CHRNA2: variants seen among roughly 807,000 people sequenced by gnomAD.
CHRNA2 encodes the protein neuronal acetylcholine receptor subunit alpha-2.
A neutral mutation model predicts 45.5 loss-of-function variants in CHRNA2; 40 were observed. The observed-to-expected ratio is 0.88, with a 90% CI of 0.68 to 1.15. The LOEUF is 1.15. CHRNA2 is among the 50% of genes most tolerant of loss of function. The probability of loss-of-function intolerance (pLI) is 0.00; values close to 1 mark genes in which losing one functional copy is unlikely to be tolerated. For synonymous variants in CHRNA2, 301 were observed against 296.7 expected (o/e 1.01, Z -0.15); for missense variants, 655 against 701.7 (o/e 0.93, Z 0.75).
intron 2 of CHRNA2, 140 bp from the exon 3 acceptor site, chr8:27,470,121 G>C (rs1280472200): frequency 9.4e-6 from 8 of 847,344 alleles, no homozygotes; most frequent in African/African-American, 1.7e-5. Flanking sequence ...AGCACAGCAT[G>C]AGCAGGCTGC....
At position 27,463,477 on chromosome 8, in the gene CHRNA2, C is replaced by A; in HGVS notation, c.966G>T (p.Ser322=). 1 of 1,614,132 alleles carries A rather than the reference C, an allele frequency of 6.2e-7. No homozygotes were observed. Among genetic ancestry groups the A allele is most frequent in the Non-Finnish European group, 8.5e-7 (1 of 1,180,036 alleles). Residue 322 remains serine (S), a synonymous_variant, in exon 6 of 7, where the codon TCG becomes TCT. Coordinates refer to ENST00000407991, the MANE Select transcript of CHRNA2 (RefSeq NM_000742.4). The surrounding 1 kb of genome is among the most constrained non-coding windows in gnomAD (Gnocchi z 6.1). The part of the protein sequence containing the change: ...LLITEIIPST[S]LVIPLIGEYL... ...ACTCGCCGATGAGCGGGATGACCAGCGAGGTGGACGGGATGATCTCAGTGA... is the reference window on the plus strand; with the variant it reads ...ACTCGCCGATGAGCGGGATGACCAGAGAGGTGGACGGGATGATCTCAGTGA...
rs1175244481 is a variant in CHRNA2, at chr8:27,469,768, A to G, written c.287T>C (p.Ile96Thr). The G allele has an allele frequency of 2.5e-6, 4 of 1,614,030 alleles. No homozygotes were observed. The highest frequency in any genetic ancestry group is 3.4e-6 in the Non-Finnish European group (4 of 1,180,034). Residue 96 changes from isoleucine to threonine, a missense_variant, in exon 3 of 7, where the codon ATC becomes ACC. Transcript: ENST00000407991. ...VRFGLSIAQL[I>T]DVDEKNQMMT... The stretch of plus-strand genomic sequence containing the variant: ...GTGGGAAGACAGGCGCACCACATCG[A>G]TGAGCTGAGCGATGGACAGTCCAAA...
Position 27,469,831 on chromosome 8 carries a change from C to G in CHRNA2, c.224G>C (p.Arg75Pro), listed in dbSNP as rs762847144. 4 of 1,614,016 alleles carry G rather than the reference C, an allele frequency of 2.5e-6. No individual in the cohort carries two copies. The highest frequency in any genetic ancestry group is 3.4e-6 in the Non-Finnish European group (4 of 1,180,046). ...HLFRGYNRWARPVPNTSDVVI... is the reference protein window; with the variant it reads ...HLFRGYNRWAPPVPNTSDVVI... Reference sequence around the variant, plus strand: ...CACGTCTGAAGTGTTGGGCACCGGGCGCGCCCAGCGGTTGTAGCCCCGGAA... The same window carrying G: ...CACGTCTGAAGTGTTGGGCACCGGGGGCGCCCAGCGGTTGTAGCCCCGGAA... The change falls in exon 3 of 7, where the codon CGC becomes CCC. Residue 75 changes from arginine to proline, a missense_variant. This residue lies in a region of CHRNA2 where 323 missense variants were observed against 354.4 expected (regional missense o/e 0.91). Transcript: ENST00000407991.
intron 5 of CHRNA2, among the ~76,000 whole-genome samples, chr8:27,465,320 G>C (rs1812662463): frequency 6.6e-6 from 1 of 152,194 alleles, no homozygotes; most frequent in African/African-American, 2.4e-5. Context: ...AATCAGAAGA[G>C]TACTTGGGAA....
At chr8:27,477,274 G>A (rs1813089946) in intron 1 of CHRNA2, 1 of 152,172 alleles carries the variant, frequency 6.6e-6, no homozygotes, top group South Asian at 2.1e-4. Flanking sequence ...TCACCCCAAA[G>A]CTAGGCCCAC....
intron 1 of CHRNA2, among the ~76,000 whole-genome samples, chr8:27,476,852 T>C (rs1349021436): frequency 1.3e-5 from 2 of 152,228 alleles, no homozygotes; most frequent in Admixed American, 6.5e-5. Flanking sequence ...TTGATGTTAA[T>C]TCCTAAAACG....
chr8:27,478,471 CT>C (rs1316313188), intron 1 of CHRNA2, among the ~76,000 whole-genome samples: 2 of 152,178 alleles, frequency 1.3e-5, no homozygotes, highest in African/African-American at 4.8e-5. Flanking sequence ...AATAGCATTG[CT>C]GTCTTTTAGC....
chr8:27,467,517 T>A, intron 4 of CHRNA2, 179 bp from the exon 5 acceptor site: 1 of 592,202 alleles, frequency 1.7e-6, no homozygotes, highest in East Asian at 2.9e-5. Flanking sequence ...TCTGAGCAAG[T>A]AACCAACCTT....
chr8:27,462,059 G>T (rs1031076157), intron 6 of CHRNA2, among the ~76,000 whole-genome samples: 1 of 152,176 alleles, frequency 6.6e-6, no homozygotes, highest in South Asian at 2.1e-4. Flanking sequence ...GAGGCGGCAC[G>T]ACCACCCAGG....
At chr8:27,473,423 G>T (rs1446654550) in intron 1 of CHRNA2, among the ~76,000 whole-genome samples, 3 of 152,074 alleles carry the variant, frequency 2.0e-5, no homozygotes, top group Admixed American at 1.3e-4. Flanking sequence ...CCAAGGGCTG[G>T]GTACAGTAGC....
At position 27,474,009 on chromosome 8, in the gene CHRNA2, T is replaced by G. The variant is rs1462954029; in HGVS notation, c.-136-2815A>C. ...AAAGGTCACTCAATCCCCCTGGGAT[T>G]TTGTCTTAAGATAAAGATTGGACAC... On this transcript the variant is annotated intron_variant, in intron 1 of 6. Coordinates refer to ENST00000407991, the MANE Select transcript of CHRNA2 (RefSeq NM_000742.4). 3.9e-5 allele frequency among the ~76,000 whole-genome samples: 6 copies of G among 152,078 alleles called. No individual in the cohort carries two copies. The East Asian group carries it at 1.2e-3, about 29-fold the overall frequency.
In CHRNA2 at chr8:27,463,120, G is replaced by A; in HGVS notation, c.1323C>T (p.His441=). The A allele has an allele frequency of 6.2e-7, 1 of 1,608,258 alleles. No individual in the cohort carries two copies. Residue 441 remains histidine (H), a synonymous_variant, in exon 6 of 7, where the codon CAC becomes CAT. Transcript: ENST00000407991. The surrounding 1 kb of genome is among the most constrained non-coding windows in gnomAD (Gnocchi z 6.1). ...TGGGACCTGAGGCCCCAGAGTGCAGGTGGCCGTGGCTGCAGAGGGTGCCCA... is the reference window on the plus strand; with the variant it reads ...TGGGACCTGAGGCCCCAGAGTGCAGATGGCCGTGGCTGCAGAGGGTGCCCA... ...PSVGTLCSHG[H]LHSGASGPKA...
rs574413750 is a variant in CHRNA2 at position 27,470,132 on chromosome 8, G to A, written c.74-151C>T. On this transcript the variant is annotated intron_variant, in intron 2 of 6. Coordinates refer to ENST00000407991, the MANE Select transcript of CHRNA2 (RefSeq NM_000742.4). Reference sequence around the variant, plus strand: ...GCTGAGCACAGCATGAGCAGGCTGCGGGGTCGGAGCTCAGGAAAGGTCAGC... The same window carrying A: ...GCTGAGCACAGCATGAGCAGGCTGCAGGGTCGGAGCTCAGGAAAGGTCAGC... 44 of 786,288 alleles carry A rather than the reference G, an allele frequency of 5.6e-5. 1 individual carries two copies. The highest frequency in any genetic ancestry group is 3.3e-4 in the South Asian group (22 of 67,096). 48.7% of individuals were successfully genotyped at this position (786,288 alleles called of 1,614,324 possible).
chr8:27,461,685 A>G lies in CHRNA2; in HGVS notation c.1534T>C (p.Cys512Arg), dbSNP rs1216454301. 2.5e-6 allele frequency: 4 copies of G among 1,614,256 alleles called. No homozygotes were observed. The highest frequency in any genetic ancestry group is 2.2e-5 in the East Asian group (1 of 44,882). Residue 512 changes from cysteine to arginine, a missense_variant, in exon 7 of 7, where the codon TGC (cysteine) becomes CGC (arginine). By Grantham distance (180) the Cys-to-Arg change is radical. Around this residue, in one of 3 missense-constraint regions of CHRNA2, gnomAD observed 295 missense variants for 280.4 expected, o/e 1.05. Transcript: ENST00000407991. ...AAGAGGCCGATGGTCCCCAGGAAGC[A>G]GACGATGATAAACAGCCAGAGGAAG... Reference protein sequence around the residue: ...RIFLWLFIIVCFLGTIGLFLP... With the variant: ...RIFLWLFIIVRFLGTIGLFLP...
intron 4 of CHRNA2, 41 bp downstream of exon 4, chr8:27,469,294 C>A (rs757075915): frequency 6.5e-7 from 1 of 1,543,290 alleles, no homozygotes. Flanking sequence ...TCCATGGATT[C>A]CCGGTACCCG....
intron 2 of CHRNA2, among the ~76,000 whole-genome samples, chr8:27,470,781 G>C (rs1014935363): frequency 1.3e-5 from 2 of 152,242 alleles, no homozygotes; most frequent in African/African-American, 4.8e-5. Context: ...GAAGCTTGGG[G>C]ACATTTAAGG....
At chr8:27,465,623 G>T (rs1812674796) in intron 5 of CHRNA2, among the ~76,000 whole-genome samples, 1 of 152,096 alleles carries the variant, frequency 6.6e-6, no homozygotes, top group Non-Finnish European at 1.5e-5. Context: ...TAGAGACAGG[G>T]TTTCACCATG....
Position 27,461,518 on chromosome 8 carries a change from C to G in CHRNA2, c.*111G>C. 6.8e-7 allele frequency: 1 copy of G among 1,471,792 alleles called. No homozygotes were observed. The highest frequency in any genetic ancestry group is 1.8e-5 in the Admixed American group (1 of 55,462). 91.2% of individuals were successfully genotyped at this position (1,471,792 alleles called of 1,614,324 possible). The stretch of plus-strand genomic sequence containing the variant: ...AATCCCTGGGTCAGTGTCCAGACTC[C>G]GCGGAGAGGCACCTGCTCATCCCAA... On this transcript the variant is annotated 3_prime_UTR_variant, in exon 7 of 7. Coordinates refer to ENST00000407991, the MANE Select transcript of CHRNA2 (RefSeq NM_000742.4).
rs1361964810 is a variant in CHRNA2, at chr8:27,478,938, G to A, written c.-251C>T. 6.6e-6 allele frequency: 1 copy of A among 152,114 alleles called. No individual in the cohort carries two copies. The highest frequency in any genetic ancestry group is 2.4e-5 in the African/African-American group (1 of 41,410). 9.4% of individuals were successfully genotyped at this position (152,114 alleles called of 1,614,324 possible). ...GAAATAGAGTGGCAGGTACAGAATA[G>A]AGCTCAGTCACTTCATTTCATGGTC... is the stretch of plus-strand genomic sequence containing the variant. On this transcript the variant is annotated 5_prime_UTR_variant, in exon 1 of 7. Coordinates refer to ENST00000407991, the MANE Select transcript of CHRNA2 (RefSeq NM_000742.4).
Sources: allele counts gnomAD v4.1 joint callset (sites outside exome capture counted in the v4.1 genomes callset), GRCh38; gene constraint gnomAD v4.1.1; regional missense constraint gnomAD v4.1.1; non-coding constraint Gnocchi (gnomAD v3.1); transcripts MANE v1.5; gene names NCBI Gene and HGNC (gene_info 2026-07-23, HGNC 2026-07-21).